Variants in EYA2 observed in about 807,000 individuals in gnomAD.
EYA2 encodes the protein EYA transcriptional coactivator and phosphatase 2.
Under a neutral mutation model 69.2 loss-of-function variants are expected in EYA2, and 31 were observed. That is an observed-to-expected ratio of 0.45 (90% CI 0.34 to 0.60). The LOEUF (loss-of-function observed/expected upper bound fraction) is 0.60. Ranked by LOEUF, EYA2 falls within the 20% of genes least tolerant of loss-of-function variation. The pLI, the probability that EYA2 is intolerant of heterozygous loss-of-function variation, is 0.02. For synonymous variants in EYA2, 257 were observed against 279.4 expected (o/e 0.92, Z 0.80); for missense variants, 622 against 701.2 (o/e 0.89, Z 1.28).
chr20:47,131,186 G>A (rs2033333793), intron 9 of EYA2, among the ~76,000 whole-genome samples: 1 of 152,208 alleles, frequency 6.6e-6, no homozygotes, highest in African/African-American at 2.4e-5. Context: ...CAACGTGAGT[G>A]TTCATCAGGA....
chr20:47,143,944 A>G (rs775973455), intron 10 of EYA2, among the ~76,000 whole-genome samples: 6 of 152,256 alleles, frequency 3.9e-5, no homozygotes, highest in Non-Finnish European at 8.8e-5. Context: ...CTTCTCTCTA[A>G]TGAAAGAGCA....
chr20:47,077,597 A>G (rs534124224), intron 7 of EYA2, among the ~76,000 whole-genome samples: 194 of 152,296 alleles, frequency 1.3e-3, no homozygotes, highest in Non-Finnish European at 2.2e-3. Context: ...TGGTGTGGCT[A>G]TTGATTTTAG....
At chr20:47,146,169 A>G (rs949039823) in intron 10 of EYA2, among the ~76,000 whole-genome samples, 1 of 152,106 alleles carries the variant, frequency 6.6e-6, no homozygotes, top group Non-Finnish European at 1.5e-5. Flanking sequence ...GGTGTTTGGT[A>G]TGCAGTGGAG....
At chr20:47,142,939 G>A (rs984470066) in intron 9 of EYA2, 120 bp from the exon 10 acceptor site, 10 of 677,264 alleles carry the variant, frequency 1.5e-5, no homozygotes, top group Admixed American at 5.8e-5. Context: ...TAGGCCACGC[G>A]TGAGCCGAGC....
In EYA2 at chr20:46,939,439, A is replaced by T. The variant is rs1053125684; in HGVS notation, c.-11+44452A>T. ...AAAGAGAGATAATGACTTTATTTTT[A>T]TTTTTTTATTTTTTTTCAAAAATCC... is the stretch of plus-strand genomic sequence containing the variant. On this transcript the variant is annotated intron_variant, in intron 1 of 15. Transcript: ENST00000327619. Among the ~76,000 whole-genome samples, 14 of 151,968 alleles carry T rather than the reference A, an allele frequency of 9.2e-5. No homozygotes were observed. The South Asian group carries it at 1.0e-3, about 11-fold the overall frequency.
chr20:46,904,260 A>C (rs1008216385), intron 1 of EYA2, among the ~76,000 whole-genome samples: 1 of 152,170 alleles, frequency 6.6e-6, no homozygotes, highest in African/African-American at 2.4e-5. Flanking sequence ...GCACATAGTA[A>C]GCACTCAATA....
chr20:47,169,282 G>A lies in EYA2; in HGVS notation c.1037+85G>A. On this transcript the variant is annotated intron_variant, in intron 11 of 15. Coordinates refer to ENST00000327619, the MANE Select transcript of EYA2 (RefSeq NM_005244.5). ...TTCTACTAGGAAGTGGGGTGGGAGA[G>A]GAGGGCTGCTTATAAGGACAAGGAG... The A allele has an allele frequency of 5.2e-6, 7 of 1,354,380 alleles. No individual in the cohort carries two copies. The South Asian group carries it at 8.2e-5, about 16-fold the overall frequency. The allele number at this position is 1,354,380 out of a possible 1,614,324, so 83.9% of individuals were successfully genotyped here.
intron 2 of EYA2, among the ~76,000 whole-genome samples, chr20:46,991,572 C>T (rs1475082667): frequency 6.6e-6 from 1 of 152,188 alleles, no homozygotes; most frequent in African/African-American, 2.4e-5. Context: ...ACATCTGGCC[C>T]TGAAGTTTGT....
intron 12 of EYA2, among the ~76,000 whole-genome samples, chr20:47,175,143 A>G (rs1222709189): frequency 6.6e-6 from 1 of 152,232 alleles, no homozygotes; most frequent in East Asian, 1.9e-4. Context: ...AGGAGCCCAC[A>G]GCCAGCGGCA....
chr20:46,978,067 C>T (rs1161039841), intron 1 of EYA2, among the ~76,000 whole-genome samples: 1 of 152,216 alleles, frequency 6.6e-6, no homozygotes, highest in African/African-American at 2.4e-5. Context: ...TCCAGGTAGG[C>T]ATCTTCCAGG....
intron 1 of EYA2, among the ~76,000 whole-genome samples, chr20:46,962,798 C>T (rs768347256): frequency 2.6e-5 from 4 of 152,230 alleles, no homozygotes; most frequent in Non-Finnish European, 5.9e-5. Context: ...GCCCACATCC[C>T]CACTCTTACT....
At chr20:46,990,430 T>A (rs2146328723) in intron 2 of EYA2, among the ~76,000 whole-genome samples, 1 of 152,230 alleles carries the variant, frequency 6.6e-6, no homozygotes, top group South Asian at 2.1e-4. Flanking sequence ...AGCCCTTGGA[T>A]GTGTTTTGCA....
intron 10 of EYA2, among the ~76,000 whole-genome samples, chr20:47,167,401 G>C (rs563684016): frequency 6.7e-6 from 1 of 148,502 alleles, no homozygotes; most frequent in Admixed American, 6.9e-5. Flanking sequence ...TCGTGCCTCA[G>C]CCTCCCAAGT....
chr20:46,940,559 C>A (rs1192169191), intron 1 of EYA2, among the ~76,000 whole-genome samples: 1 of 152,206 alleles, frequency 6.6e-6, no homozygotes, highest in East Asian at 1.9e-4. Flanking sequence ...AGATACAAAA[C>A]CCAAATGATA....
chr20:46,916,350 AGTGT>A (rs1984903114), intron 1 of EYA2, among the ~76,000 whole-genome samples: 1 of 152,112 alleles, frequency 6.6e-6, no homozygotes, highest in Non-Finnish European at 1.5e-5. Context: ...TGTATTGTGC[AGTGT>A]GTGTGGGTGT....
At chr20:46,911,737 G>A (rs1333291717) in intron 1 of EYA2, among the ~76,000 whole-genome samples, 2 of 152,162 alleles carry the variant, frequency 1.3e-5, no homozygotes, top group Non-Finnish European at 2.9e-5. Context: ...TGTGGGAACT[G>A]GAAAACTCGA....
intron 1 of EYA2, among the ~76,000 whole-genome samples, chr20:46,925,196 C>G (rs1267897757): frequency 1.3e-5 from 2 of 152,216 alleles, no homozygotes; most frequent in African/African-American, 4.8e-5. Flanking sequence ...CTTAACTAAT[C>G]ACATCCACAA....
At chr20:47,043,562 T>C (rs2029890399) in intron 5 of EYA2, among the ~76,000 whole-genome samples, 1 of 152,232 alleles carries the variant, frequency 6.6e-6, no homozygotes, top group Non-Finnish European at 1.5e-5. Context: ...CTTTCATTTA[T>C]GACCTGGCCT....
chr20:47,155,754 A>T (rs1225057414), intron 10 of EYA2, among the ~76,000 whole-genome samples: 1 of 151,802 alleles, frequency 6.6e-6, no homozygotes, highest in African/African-American at 2.4e-5. Flanking sequence ...CACAGCTAGT[A>T]AGAAGAATGT....
Sources: allele counts gnomAD v4.1 joint callset (sites outside exome capture counted in the v4.1 genomes callset), GRCh38; gene constraint gnomAD v4.1.1; transcripts MANE v1.5; gene names NCBI Gene and HGNC (gene_info 2026-07-23, HGNC 2026-07-21).